The following PAQR3 variants were observed in gnomAD, a reference collection of about 807,000 sequenced individuals.
The protein encoded by PAQR3 is Raf kinase trapping to Golgi.
Under a neutral mutation model 41.7 loss-of-function variants are expected in PAQR3, and 39 were observed. The ratio of observed to expected loss-of-function variants is 0.93; its 90% CI spans 0.72 to 1.22. The LOEUF (loss-of-function observed/expected upper bound fraction) is 1.22. Among genes scored for constraint, PAQR3 ranks in the 50% most tolerant of loss-of-function variants. PAQR3 has a pLI of 0.00. For synonymous variants in PAQR3, 140 were observed against 140.6 expected (o/e 1.00, Z 0.03); for missense variants, 366 against 385.6 (o/e 0.95, Z 0.42).
intron 4 of PAQR3, among the ~76,000 whole-genome samples, chr4:78,925,982 G>A (rs1274007526): frequency 6.6e-6 from 1 of 151,800 alleles, no homozygotes; most frequent in East Asian, 1.9e-4. Context: ...TGCTTCCCTG[G>A]CTCCAGCTAC....
chr4:78,926,770 T>C (rs769135578), intron 3 of PAQR3, 52 bp from the exon 4 acceptor site: 10 of 1,542,146 alleles, frequency 6.5e-6, no homozygotes, highest in Non-Finnish European at 8.9e-6. Flanking sequence ...ATAAAGGAAC[T>C]GAAAAAGTAA....
rs533897157 is a variant in PAQR3, at chr4:78,894,708, A to T, written c.*837-6560T>A. ...GTATCACTTTTAATTTCCTTCAATA[A>T]TTTTTCCTTTGTGTTCACTTGGCTA... is the stretch of plus-strand genomic sequence containing the variant. On this transcript the variant is annotated intron_variant and NMD_transcript_variant, in intron 11 of 12. Coordinates refer to the PAQR3 transcript ENST00000342820. 3.3e-5 allele frequency among the ~76,000 whole-genome samples: 5 copies of T among 152,046 alleles called. 1 individual carries two copies. Among genetic ancestry groups the T allele is most frequent in the Middle Eastern group, 6.8e-3 (2 of 294 alleles).
chr4:78,890,242 A>G (rs1212739736), intron 11 of PAQR3, among the ~76,000 whole-genome samples: 2 of 152,088 alleles, frequency 1.3e-5, no homozygotes, highest in Non-Finnish European at 2.9e-5. Flanking sequence ...CCTTAGAGGT[A>G]ATTTTTCACT....
At position 78,915,895 on chromosome 4, in the gene PAQR3, G is replaced by T. The variant is rs1011942348; in HGVS notation, c.*4644C>A. ...TTTGTGATTGAAAAGTCATCTAATA[G>T]AAGCTGTATAGAAGCTACTTTTTAA... On this transcript the variant is annotated 3_prime_UTR_variant, in exon 6 of 6. Coordinates refer to ENST00000512733, the MANE Select transcript of PAQR3 (RefSeq NM_001040202.2). 6.6e-6 allele frequency: 1 copy of T among 151,854 alleles called. No homozygotes were observed. Among genetic ancestry groups the T allele is most frequent in the African/African-American group, 2.4e-5 (1 of 41,408 alleles). The allele number at this position is 151,854 out of a possible 1,614,324, so 9.4% of individuals were successfully genotyped here. A position where few individuals can be genotyped will look rare whatever the true frequency, so the allele number is the denominator to read the frequency against.
chr4:78,897,158 AC>A (rs1170454451), intron 11 of PAQR3, among the ~76,000 whole-genome samples: 2 of 151,822 alleles, frequency 1.3e-5, no homozygotes, highest in Non-Finnish European at 1.5e-5. Context: ...AATTGGTAAA[AC>A]TTTTTTTTGA....
chr4:78,908,200 G>C (rs1429914916), downstream of PAQR3, among the ~76,000 whole-genome samples: 2 of 152,122 alleles, frequency 1.3e-5, no homozygotes, highest in Non-Finnish European at 2.9e-5. Context: ...TAACCTGGTG[G>C]TATTCTTCAC....
intron 2 of PAQR3, among the ~76,000 whole-genome samples, chr4:78,931,502 T>A (rs570403884): frequency 1.3e-5 from 2 of 152,354 alleles, no homozygotes; most frequent in African/African-American, 4.8e-5. Flanking sequence ...TTCTGATAAT[T>A]GATAAGGTTC....
At chr4:78,911,560 A>G, downstream of PAQR3, 1 of 1,614,014 alleles carries the variant, frequency 6.2e-7, no homozygotes, top group Non-Finnish European at 8.5e-7. Context: ...AACTAGCACA[A>G]AGAAGACTTT....
At chr4:78,921,924 T>C (rs1735697318) in intron 5 of PAQR3, 2 of 984,950 alleles carry the variant, frequency 2.0e-6, no homozygotes, top group Admixed American at 6.2e-5. Context: ...CAAGTGTGTC[T>C]TGGGGAAGGT....
At chr4:78,909,798 A>G (rs1033027522), downstream of PAQR3, among the ~76,000 whole-genome samples, 2 of 152,050 alleles carry the variant, frequency 1.3e-5, no homozygotes, top group Non-Finnish European at 2.9e-5. Context: ...CTGACTGTAA[A>G]CCCCTGAAAG....
intron 3 of PAQR3, among the ~76,000 whole-genome samples, chr4:78,928,141 A>G (rs1464647828): frequency 6.6e-6 from 1 of 152,228 alleles, no homozygotes; most frequent in African/African-American, 2.4e-5. Context: ...TCTCACTTTG[A>G]CATTTAGCAA....
In PAQR3 at chr4:78,913,627, A is replaced by G. The variant is rs1228645376; in HGVS notation, c.*6912T>C. On this transcript the variant is annotated 3_prime_UTR_variant, in exon 6 of 6. Transcript: ENST00000512733. Reference sequence around the variant, plus strand: ...AGTATATTTTACGAGTAATTTTATTAGGAATCTCTTATAGTGCCCCAATGG... The same window carrying G: ...AGTATATTTTACGAGTAATTTTATTGGGAATCTCTTATAGTGCCCCAATGG... 1 of 152,200 alleles carries G rather than the reference A, an allele frequency of 6.6e-6. No homozygotes were observed. Among genetic ancestry groups the G allele is most frequent in the African/African-American group, 2.4e-5 (1 of 41,468 alleles). The allele number at this position is 152,200 out of a possible 1,614,324, so 9.4% of individuals were successfully genotyped here.
At chr4:78,906,042 C>T (rs1308345997) in intron 11 of PAQR3, 1 of 151,948 alleles carries the variant, frequency 6.6e-6, no homozygotes, top group Non-Finnish European at 1.5e-5. Context: ...CCTTTCTTTC[C>T]CAGCTCTTCT....
rs961764843 is a variant in PAQR3, at chr4:78,915,317, A to C, written c.*5222T>G. 6.6e-5 allele frequency: 10 copies of C among 151,956 alleles called. No homozygotes were observed. Among genetic ancestry groups the C allele is most frequent in the South Asian group, 2.1e-4 (1 of 4,824 alleles). 9.4% of individuals were successfully genotyped at this position (151,956 alleles called of 1,614,324 possible). On this transcript the variant is annotated 3_prime_UTR_variant, in exon 6 of 6. Transcript: ENST00000512733. ...GTTCACCAGGCAGAGCAGTTTTCTT[A>C]CAAGTCAGCTACTCTGCTTGGTTTA...
chr4:78,936,636 C>T (rs959746865), intron 1 of PAQR3, among the ~76,000 whole-genome samples: 1 of 152,182 alleles, frequency 6.6e-6, no homozygotes, highest in African/African-American at 2.4e-5. Context: ...TTATCATGTA[C>T]AAGCATCAAG....
intron 11 of PAQR3, among the ~76,000 whole-genome samples, chr4:78,902,924 A>G (rs954292652): frequency 1.3e-5 from 2 of 152,124 alleles, no homozygotes; most frequent in African/African-American, 4.8e-5. Context: ...GGCATTAACT[A>G]GGATCTCATT....
chr4:78,896,632 C>T (rs1032640638), intron 11 of PAQR3, among the ~76,000 whole-genome samples: 1 of 152,132 alleles, frequency 6.6e-6, no homozygotes, highest in African/African-American at 2.4e-5. Flanking sequence ...AGTGAGATCT[C>T]AACTATGAGA....
downstream of PAQR3, chr4:78,910,773 T>G: frequency 6.2e-7 from 1 of 1,613,796 alleles, no homozygotes; most frequent in Non-Finnish European, 8.5e-7. Context: ...AATCTGAAAG[T>G]GATTTTGAAT....
intron 2 of PAQR3, chr4:78,933,103 T>A: frequency 2.2e-6 from 1 of 452,446 alleles, no homozygotes; most frequent in Non-Finnish European, 4.4e-6. Flanking sequence ...GCTAAGAAAG[T>A]GTGTCTTGCT....
Sources: allele counts gnomAD v4.1 joint callset (sites outside exome capture counted in the v4.1 genomes callset), GRCh38; gene constraint gnomAD v4.1.1; transcripts MANE v1.5; gene names NCBI Gene and HGNC (gene_info 2026-07-23, HGNC 2026-07-21).